Variants in RAP1GAP2 observed in about 807,000 individuals in gnomAD.
RAP1GAP2 encodes the protein rap1 GTPase-activating protein 2.
Under a neutral mutation model 95.0 loss-of-function variants are expected in RAP1GAP2, and 27 were observed. The ratio of observed to expected loss-of-function variants is 0.28; its 90% CI spans 0.21 to 0.39. RAP1GAP2 has a LOEUF of 0.39. Among genes scored for constraint, RAP1GAP2 ranks in the 10% least tolerant of loss-of-function variants. The pLI is 1.00. For synonymous variants in RAP1GAP2, 373 were observed against 380.9 expected (o/e 0.98, Z 0.24); for missense variants, 771 against 970.0 (o/e 0.79, Z 2.72).
chr17:2,939,122 G>T (rs924755577), intron 3 of RAP1GAP2, among the ~76,000 whole-genome samples: 1 of 151,840 alleles, frequency 6.6e-6, no homozygotes, highest in African/African-American at 2.4e-5. Flanking sequence ...ACAGAGTCCT[G>T]CTGTGTCGCC....
rs1204135884 is a variant in RAP1GAP2, at chr17:3,018,191, C to T, written c.1625C>T (p.Thr542Ile). The change falls in exon 18 of 25, where the codon ACC becomes ATC. Residue 542 changes from threonine (T) to isoleucine (I), a missense_variant. Transcript: ENST00000254695. ...AACAGCATGGAGGTCACCAAGACCA[C>T]CTTCTCGGTGAGTGCTGGCAGGCCC... is the stretch of plus-strand genomic sequence containing the variant. ...SHNSMEVTKT[T>I]FSPPVVAATV... 1.3e-6 allele frequency: 2 copies of T among 1,569,406 alleles called. No individual in the cohort carries two copies. Among genetic ancestry groups the T allele is most frequent in the Non-Finnish European group, 1.7e-6 (2 of 1,158,106 alleles).
chr17:2,865,107 C>T (rs1049119389), intron 2 of RAP1GAP2, among the ~76,000 whole-genome samples: 1 of 152,188 alleles, frequency 6.6e-6, no homozygotes, highest in African/African-American at 2.4e-5. Flanking sequence ...TCCAATCTGT[C>T]TGGTGCCAAA....
At chr17:2,962,977 C>T in intron 5 of RAP1GAP2, 1 of 543,134 alleles carries the variant, frequency 1.8e-6, no homozygotes, top group Admixed American at 3.6e-5. Flanking sequence ...GCCGTTTGGC[C>T]CGGCTCTTCC....
chr17:2,916,875 C>T (rs902036848), intron 3 of RAP1GAP2, among the ~76,000 whole-genome samples: 24 of 152,310 alleles, frequency 1.6e-4, no homozygotes, highest in African/African-American at 4.6e-4. Context: ...TATGTATCTT[C>T]GGGCCCGTGG....
chr17:2,941,894 GCTGGTTTTGAACTCCTGACCT>G (rs1195585814), intron 3 of RAP1GAP2, among the ~76,000 whole-genome samples: 2 of 152,072 alleles, frequency 1.3e-5, no homozygotes, highest in African/African-American at 4.8e-5. Context: ...TGTTGGTCAG[GCTGGTTTTGAACTCCTGACCT>G]CAGGTGATCC....
chr17:2,790,384 G>A (rs761734167), intron 1 of RAP1GAP2, among the ~76,000 whole-genome samples: 3 of 152,140 alleles, frequency 2.0e-5, no homozygotes, highest in Non-Finnish European at 4.4e-5. Context: ...ATCCCAAAGC[G>A]CTGGGATTAC....
At chr17:2,776,187 C>G (rs1163688363), upstream of RAP1GAP2, among the ~76,000 whole-genome samples, 1 of 152,108 alleles carries the variant, frequency 6.6e-6, no homozygotes, top group Non-Finnish European at 1.5e-5. Flanking sequence ...TCATAAAAGT[C>G]CAGCCTCCAG....
chr17:3,011,185 C>T (rs1371562117), intron 17 of RAP1GAP2, among the ~76,000 whole-genome samples: 5 of 152,210 alleles, frequency 3.3e-5, no homozygotes, highest in African/African-American at 4.8e-5. Flanking sequence ...ACCTCAGCCT[C>T]ACAAAGTGCT....
intron 11 of RAP1GAP2, among the ~76,000 whole-genome samples, chr17:2,990,083 C>G (rs1385611529): frequency 1.3e-5 from 2 of 152,230 alleles, no homozygotes; most frequent in East Asian, 3.8e-4. Context: ...GTTCCTTGTT[C>G]ATGGCCAAAT....
chr17:2,789,625 A>G (rs1017304270), intron 1 of RAP1GAP2, among the ~76,000 whole-genome samples: 2 of 150,068 alleles, frequency 1.3e-5, no homozygotes, highest in Non-Finnish European at 3.0e-5. Context: ...AAAAAAAAAA[A>G]AAAAACATTA....
chr17:2,984,484 A>G (rs1277975277), intron 10 of RAP1GAP2, among the ~76,000 whole-genome samples: 1 of 152,194 alleles, frequency 6.6e-6, no homozygotes, highest in East Asian at 1.9e-4. Flanking sequence ...TGCATATTGT[A>G]TTAGGGTATG....
At chr17:2,905,134 C>T (rs184287227) in intron 2 of RAP1GAP2, 150 bp from the exon 3 acceptor site, 18 of 595,500 alleles carry the variant, frequency 3.0e-5, no homozygotes, top group Middle Eastern at 2.9e-4. Flanking sequence ...CCGTCTGCCT[C>T]GGCCTCCCAA....
chr17:2,969,327 C>T lies in RAP1GAP2; in HGVS notation c.596+3684C>T, dbSNP rs73296664. Among the ~76,000 whole-genome samples the T allele has an allele frequency of 4.7e-3, 714 of 151,718 alleles. 2 individuals are homozygous for T. Among genetic ancestry groups the T allele is most frequent in the African/African-American group, 0.016 (651 of 41,382 alleles). On this transcript the variant is annotated intron_variant, in intron 8 of 24. Coordinates refer to ENST00000254695, the MANE Select transcript of RAP1GAP2 (RefSeq NM_015085.5). ...TTCTGTGGACCTGCTACATCAGAAT[C>T]ATTTTGGATCTTTAAAACAAAGTAA...
chr17:2,957,481 C>T (rs1222241435), intron 3 of RAP1GAP2, among the ~76,000 whole-genome samples: 4 of 152,212 alleles, frequency 2.6e-5, no homozygotes, highest in African/African-American at 7.2e-5. Context: ...TCCCAGGGGC[C>T]GGCAGGCCCC....
intron 2 of RAP1GAP2, among the ~76,000 whole-genome samples, chr17:2,838,634 T>A (rs985158455): frequency 6.6e-6 from 1 of 152,120 alleles, no homozygotes; most frequent in African/African-American, 2.4e-5. Flanking sequence ...GAGCTCCAGA[T>A]GAGGAAGGGA....
intron 3 of RAP1GAP2, among the ~76,000 whole-genome samples, chr17:2,930,658 G>A (rs1026950058): frequency 3.9e-5 from 6 of 152,136 alleles, no homozygotes; most frequent in East Asian, 1.9e-4. Flanking sequence ...AAAAGCTGTC[G>A]GATTGTAAGA....
intron 1 of RAP1GAP2, among the ~76,000 whole-genome samples, chr17:2,777,884 G>T (rs1210777444): frequency 6.6e-6 from 1 of 152,018 alleles, no homozygotes; most frequent in Non-Finnish European, 1.5e-5. Context: ...TTCCCATGGC[G>T]CTTTGCCCTC....
Position 2,963,753 on chromosome 17 carries a change from T to A in RAP1GAP2, c.280-103T>A. ...GCCTTTGGCCTCAAGTACCAGTGGG[T>A]ACCAGGCCCCACTCCTGGGAGCAGC... is the stretch of plus-strand genomic sequence containing the variant. On this transcript the variant is annotated intron_variant, in intron 6 of 24. Transcript: ENST00000254695. The surrounding 1 kb of genome is among the most constrained non-coding windows in gnomAD (Gnocchi z 4.8). The A allele has an allele frequency of 9.4e-7, 1 of 1,059,218 alleles. No individual in the cohort carries two copies. Among genetic ancestry groups the A allele is most frequent in the Non-Finnish European group, 1.4e-6 (1 of 738,504 alleles). The allele number at this position is 1,059,218 out of a possible 1,614,324, so 65.6% of individuals were successfully genotyped here. A position where few individuals can be genotyped will look rare whatever the true frequency, so the allele number is the denominator to read the frequency against.
chr17:2,800,841 TTCTTTC>T (rs1463517038), intron 2 of RAP1GAP2, among the ~76,000 whole-genome samples: 2 of 39,242 alleles, frequency 5.1e-5, no homozygotes, highest in African/African-American at 7.7e-5. Flanking sequence ...TTCTTTTTCT[TTCTTTC>T]TTTCTTTCTT....
Sources: gnomAD v4.1 joint callset for allele counts (sites outside exome capture counted in the v4.1 genomes callset) on GRCh38, gnomAD v4.1.1 for gene constraint, Gnocchi (gnomAD v3.1) non-coding constraint, MANE v1.5 for transcripts, NCBI Gene and HGNC (gene_info 2026-07-23, HGNC 2026-07-21) for gene names.